The following DSCAM variants were observed in gnomAD, a reference collection of about 807,000 sequenced individuals.
DSCAM encodes the protein cell adhesion molecule DSCAM.
Under a neutral mutation model 217.7 loss-of-function variants are expected in DSCAM, and 47 were observed. That is an observed-to-expected ratio of 0.22 (90% CI 0.17 to 0.28). The LOEUF (loss-of-function observed/expected upper bound fraction) is 0.28. Among genes scored for constraint, DSCAM ranks in the 10% least tolerant of loss-of-function variants. The pLI, the probability that DSCAM is intolerant of heterozygous loss-of-function variation, is 1.00. For synonymous variants in DSCAM, 1,056 were observed against 1,015.3 expected (o/e 1.04, Z -0.76); for missense variants, 2,080 against 2,618.3 (o/e 0.79, Z 4.49).
chr21:40,394,614 C>G (rs1238356148), intron 3 of DSCAM, among the ~76,000 whole-genome samples: 1 of 152,168 alleles, frequency 6.6e-6, no homozygotes, highest in Middle Eastern at 3.2e-3. Flanking sequence ...AGTGGAAATG[C>G]AATATTGAGC....
intron 3 of DSCAM, among the ~76,000 whole-genome samples, chr21:40,673,502 C>T (rs995087317): frequency 9.9e-5 from 15 of 152,072 alleles, no homozygotes; most frequent in East Asian, 1.9e-4. Context: ...AGTGGCCTTA[C>T]GTTGGAAGTA....
intron 16 of DSCAM, among the ~76,000 whole-genome samples, chr21:40,165,684 C>T (rs543349845): frequency 6.6e-6 from 1 of 152,284 alleles, no homozygotes; most frequent in East Asian, 1.9e-4. Context: ...GGACAGACAC[C>T]TCTCTCATGC....
chr21:40,447,084 T>G (rs1884968758), intron 3 of DSCAM, among the ~76,000 whole-genome samples: 1 of 152,118 alleles, frequency 6.6e-6, no homozygotes, highest in Admixed American at 6.6e-5. Flanking sequence ...GGGATGCAGA[T>G]GAGATCCCTT....
chr21:40,080,688 A>C (rs2089443010), intron 24 of DSCAM, among the ~76,000 whole-genome samples: 1 of 152,216 alleles, frequency 6.6e-6, no homozygotes, highest in Non-Finnish European at 1.5e-5. Flanking sequence ...GAGTGAAGAC[A>C]TAGGCTGAAG....
intron 1 of DSCAM, among the ~76,000 whole-genome samples, chr21:40,723,607 C>G (rs1041441): frequency 5.9e-5 from 9 of 152,170 alleles, no homozygotes; most frequent in Non-Finnish European, 8.8e-5. Flanking sequence ...TAGAAGCCCT[C>G]ACATTTTTTA....
At chr21:40,755,979 A>G (rs1487951286) in intron 1 of DSCAM, among the ~76,000 whole-genome samples, 1 of 152,226 alleles carries the variant, frequency 6.6e-6, no homozygotes, top group Non-Finnish European at 1.5e-5. Context: ...TAAAACAGAT[A>G]GCACTTATTT....
intron 16 of DSCAM, among the ~76,000 whole-genome samples, chr21:40,146,857 G>T (rs2090363450): frequency 6.6e-6 from 1 of 152,248 alleles, no homozygotes. Flanking sequence ...TTTAGAAATA[G>T]ATTTCAAGAT....
chr21:40,750,546 G>A (rs2091217682), intron 1 of DSCAM, among the ~76,000 whole-genome samples: 2 of 152,044 alleles, frequency 1.3e-5, no homozygotes, highest in Admixed American at 1.3e-4. Flanking sequence ...CCGTTCTGAA[G>A]GTTTTTAGTA....
intron 1 of DSCAM, among the ~76,000 whole-genome samples, chr21:40,756,175 G>A (rs1331387454): frequency 1.3e-5 from 2 of 152,270 alleles, no homozygotes; most frequent in African/African-American, 2.4e-5. Context: ...TAATGAGTGA[G>A]TTCTTGTGAG....
chr21:40,809,523 A>AAAG (rs2091819107), intron 1 of DSCAM, among the ~76,000 whole-genome samples: 1 of 152,202 alleles, frequency 6.6e-6, no homozygotes, highest in Admixed American at 6.5e-5. Context: ...ATCGCTCAAT[A>AAAG]AAGATGTTAA....
chr21:40,288,058 C>T (rs1175152714), intron 10 of DSCAM, among the ~76,000 whole-genome samples: 1 of 152,152 alleles, frequency 6.6e-6, no homozygotes, highest in Non-Finnish European at 1.5e-5. Flanking sequence ...AGAAACTCCT[C>T]TAAATTAAGA....
intron 9 of DSCAM, among the ~76,000 whole-genome samples, chr21:40,303,259 C>A (rs1338481447): frequency 6.6e-6 from 1 of 152,104 alleles, no homozygotes; most frequent in African/African-American, 2.4e-5. Flanking sequence ...CACTTTCTGT[C>A]CTCTCTTACT....
intron 3 of DSCAM, among the ~76,000 whole-genome samples, chr21:40,604,543 G>C (rs1372239624): frequency 1.3e-5 from 2 of 152,144 alleles, no homozygotes; most frequent in Non-Finnish European, 2.9e-5. Context: ...AATATAATTA[G>C]ACTTTTAGCA....
intron 2 of DSCAM, among the ~76,000 whole-genome samples, chr21:40,702,391 T>G (rs1404360185): frequency 6.6e-6 from 1 of 152,240 alleles, no homozygotes; most frequent in Non-Finnish European, 1.5e-5. Context: ...AAACAGTGTA[T>G]TTGTTTGGAA....
chr21:40,756,720 T>C (rs1042917414), intron 1 of DSCAM, among the ~76,000 whole-genome samples: 1 of 152,126 alleles, frequency 6.6e-6, no homozygotes, highest in Non-Finnish European at 1.5e-5. Context: ...AATGCAAGAA[T>C]AGACAAATAC....
intron 6 of DSCAM, among the ~76,000 whole-genome samples, chr21:40,343,616 G>A (rs1037946589): frequency 1.3e-5 from 2 of 151,894 alleles, no homozygotes; most frequent in African/African-American, 4.8e-5. Context: ...TTCCAATCTT[G>A]CATTATAAGA....
At chr21:40,674,420 T>C (rs2090312579) in intron 3 of DSCAM, among the ~76,000 whole-genome samples, 1 of 152,122 alleles carries the variant, frequency 6.6e-6, no homozygotes, top group Admixed American at 6.5e-5. Flanking sequence ...AAGTAAAAAA[T>C]ATGATTTGTC....
At chr21:40,538,882 G>C in intron 3 of DSCAM, among the ~76,000 whole-genome samples, 1 of 152,190 alleles carries the variant, frequency 6.6e-6, no homozygotes, top group Admixed American at 6.5e-5. Flanking sequence ...GCAATACCTA[G>C]TTCTCTGGGT....
At chr21:40,175,336 A>G (rs1402422811) in intron 15 of DSCAM, among the ~76,000 whole-genome samples, 1 of 151,936 alleles carries the variant, frequency 6.6e-6, no homozygotes, top group East Asian at 1.9e-4. Flanking sequence ...CTGGTCTCGA[A>G]CTCCTGACCT....
Sources: allele counts gnomAD v4.1 joint callset (sites outside exome capture counted in the v4.1 genomes callset), GRCh38; gene constraint gnomAD v4.1.1; transcripts MANE v1.5; gene names NCBI Gene and HGNC (gene_info 2026-07-23, HGNC 2026-07-21).